NADSYN1: variants seen among roughly 807,000 people sequenced by gnomAD.
NADSYN1 encodes the protein NAD synthetase 1.
Under a neutral mutation model 99.3 loss-of-function variants are expected in NADSYN1, and 80 were observed. The ratio of observed to expected loss-of-function variants is 0.81; its 90% CI spans 0.67 to 0.97. NADSYN1 has a LOEUF of 0.97. Ranked by LOEUF, NADSYN1 falls within the 50% of genes least tolerant of loss-of-function variation. NADSYN1 has a pLI of 0.00. For missense variants in NADSYN1, 859 were observed against 948.5 expected (o/e 0.91, Z 1.24); for synonymous variants, 385 against 372.1 (o/e 1.03, Z -0.40).
Position 71,497,599 on chromosome 11 carries a change from C to T in NADSYN1, c.1881C>T (p.Cys627=), listed in dbSNP as rs761493490. ...CKLLGMWRHI[C]TPRQVADKVK... The stretch of plus-strand genomic sequence containing the variant: ...TCCTCGGCATGTGGAGACACATCTG[C>T]ACCCCGAGACAGGTAAAGCCTGTGA... Residue 627 remains cysteine, a synonymous_variant, in exon 19 of 21, where the codon TGC becomes TGT. Coordinates refer to ENST00000319023, the MANE Select transcript of NADSYN1 (RefSeq NM_018161.5). 30 of 1,613,986 alleles carry T rather than the reference C, an allele frequency of 1.9e-5. No individual in the cohort carries two copies. The East Asian group carries it at 3.8e-4, about 20-fold the overall frequency.
Position 71,501,585 on chromosome 11 carries a change from G to T in NADSYN1, c.*233G>T. 2 of 533,804 alleles carry T rather than the reference G, an allele frequency of 3.7e-6. No homozygotes were observed. Among genetic ancestry groups the T allele is most frequent in the Non-Finnish European group, 6.6e-6 (2 of 302,868 alleles). The allele number at this position is 533,804 out of a possible 1,614,324, so 33.1% of individuals were successfully genotyped here. On this transcript the variant is annotated 3_prime_UTR_variant, in exon 21 of 21. Coordinates refer to ENST00000319023, the MANE Select transcript of NADSYN1 (RefSeq NM_018161.5). ...TGATTTTGACCTCCCGCCAGCGTGCGCTTCCCCGCGAAGTCTGGCATTCTC... is the reference window on the plus strand; with the variant it reads ...TGATTTTGACCTCCCGCCAGCGTGCTCTTCCCCGCGAAGTCTGGCATTCTC...
At chr11:71,455,458 G>A in intron 2 of NADSYN1, 1 of 413,962 alleles carries the variant, frequency 2.4e-6, no homozygotes, top group Non-Finnish European at 4.3e-6. Context: ...TTTTGCTGTG[G>A]TCTGAATGTT....
intron 14 of NADSYN1, among the ~76,000 whole-genome samples, chr11:71,483,425 G>A (rs893562585): frequency 2.0e-5 from 3 of 152,102 alleles, no homozygotes; most frequent in African/African-American, 7.2e-5. Context: ...TGCTCACCAG[G>A]GTGTGCAGCA....
intron 18 of NADSYN1, among the ~76,000 whole-genome samples, chr11:71,495,104 G>A (rs1282856144): frequency 6.6e-6 from 1 of 151,958 alleles, no homozygotes; most frequent in Non-Finnish European, 1.5e-5. Context: ...AGTATCTCAA[G>A]GTGGAAAGTT....
intron 2 of NADSYN1, among the ~76,000 whole-genome samples, 181 bp from the exon 3 acceptor site, chr11:71,458,247 G>A (rs941622323): frequency 2.0e-5 from 3 of 152,166 alleles, no homozygotes; most frequent in Non-Finnish European, 4.4e-5. Context: ...CTTTCAGTAC[G>A]GCACATCTGG....
chr11:71,477,115 A>G, intron 9 of NADSYN1: 1 of 1,126,092 alleles, frequency 8.9e-7, no homozygotes, highest in Non-Finnish European at 1.1e-6. Flanking sequence ...CCTCCTGCTC[A>G]AGCAACAGAC....
chr11:71,485,557 G>A lies in NADSYN1; in HGVS notation c.1471G>A (p.Val491Ile). Residue 491 changes from valine (V) to isoleucine (I), a missense_variant, in exon 16 of 21, where the codon GTC becomes ATC. By Grantham distance (29) the Val-to-Ile change is conservative. Transcript: ENST00000319023. Reference sequence around the variant, plus strand: ...TGTTTTCCAGGCTCGAATACGGATGGTCCTCGCCTATCTGTTTGCTCAGTT... The same window carrying A: ...TGTTTTCCAGGCTCGAATACGGATGATCCTCGCCTATCTGTTTGCTCAGTT... ...LQNVQARIRM[V>I]LAYLFAQLSL... 1 of 1,560,716 alleles carries A rather than the reference G, an allele frequency of 6.4e-7. No homozygotes were observed. The highest frequency in any genetic ancestry group is 8.7e-7 in the Non-Finnish European group (1 of 1,151,548).
chr11:71,473,784 A>G, intron 8 of NADSYN1, 98 bp downstream of exon 8: 1 of 876,354 alleles, frequency 1.1e-6, no homozygotes, highest in Non-Finnish European at 1.9e-6. Flanking sequence ...GCCCACACAC[A>G]ATGGATGTTC....
At chr11:71,474,606 G>T in intron 9 of NADSYN1, 80 bp downstream of exon 9, 1 of 1,592,150 alleles carries the variant, frequency 6.3e-7, no homozygotes, top group Non-Finnish European at 8.6e-7. Flanking sequence ...TGTAAGCCGG[G>T]TGCTTAGTGA....
At chr11:71,464,919 G>A (rs1388240809) in intron 5 of NADSYN1, among the ~76,000 whole-genome samples, 1 of 145,942 alleles carries the variant, frequency 6.9e-6, no homozygotes, top group Admixed American at 6.8e-5. Context: ...GTTTGATTTA[G>A]TTCTAGGAAG....
rs1327307171 is a variant in NADSYN1 at position 71,497,535 on chromosome 11, AG to A, written c.1819del (p.Val607TrpfsTer30). The stretch of plus-strand genomic sequence containing the variant: ...CTCTCGGTCTATGGGAAACTCAGGA[AG>A]GTGGCCAAGATGGGGCCCTACAGCA... ...AELSVYGKLR[K>X]VAKMGPYSMF... On this transcript the variant is annotated frameshift_variant, in exon 19 of 21. Transcript: ENST00000319023. LOFTEE classifies it high-confidence loss of function. The A allele has an allele frequency of 9.9e-6, 16 of 1,614,070 alleles. No homozygotes were observed. Among genetic ancestry groups the A allele is most frequent in the African/African-American group, 1.3e-5 (1 of 74,922 alleles).
intron 16 of NADSYN1, 65 bp downstream of exon 16, chr11:71,485,713 C>T (rs1306699128): frequency 1.9e-5 from 22 of 1,186,326 alleles, no homozygotes; most frequent in Admixed American, 1.5e-4. Flanking sequence ...GAAGGTGATA[C>T]GCTGTGAGAT....
intron 6 of NADSYN1, 47 bp from the exon 7 acceptor site, chr11:71,473,231 C>T (rs749409265): frequency 8.9e-6 from 14 of 1,568,476 alleles, no homozygotes; most frequent in Non-Finnish European, 1.2e-5. Flanking sequence ...GTGGCCCAGA[C>T]AGGGCATGGC....
Position 71,481,668 on chromosome 11 carries a change from T to C in NADSYN1, c.1048-255T>C, listed in dbSNP as rs1198185884. 6.7e-6 allele frequency: 4 copies of C among 601,448 alleles called. No individual in the cohort carries two copies. The East Asian group carries it at 8.3e-5, about 12-fold the overall frequency. 37.3% of individuals were successfully genotyped at this position (601,448 alleles called of 1,614,324 possible). A position where few individuals can be genotyped will look rare whatever the true frequency, so the allele number is the denominator to read the frequency against. Reference sequence around the variant, plus strand: ...GGTCACGCTCACCATCTTGCCAGCATTGTAATCATGCGTATCTGCAGTTCG... The same window carrying C: ...GGTCACGCTCACCATCTTGCCAGCACTGTAATCATGCGTATCTGCAGTTCG... On this transcript the variant is annotated intron_variant, in intron 12 of 20. Transcript: ENST00000319023.
intron 5 of NADSYN1, among the ~76,000 whole-genome samples, chr11:71,467,787 T>C (rs1949602359): frequency 6.6e-6 from 1 of 152,188 alleles, no homozygotes; most frequent in Non-Finnish European, 1.5e-5. Flanking sequence ...ATGGAGGTTA[T>C]AGAGAAGAGG....
At chr11:71,486,488 C>T (rs74576289) in intron 16 of NADSYN1, among the ~76,000 whole-genome samples, 12,602 of 152,008 alleles carry the variant, frequency 0.083, 624 homozygotes, top group African/African-American at 0.14. Flanking sequence ...CCCACTCATC[C>T]ATCCATTCAT....
At chr11:71,471,742 G>C (rs1016781924) in intron 5 of NADSYN1, among the ~76,000 whole-genome samples, 1 of 152,200 alleles carries the variant, frequency 6.6e-6, no homozygotes, top group African/African-American at 2.4e-5. Flanking sequence ...GTGAATGAGG[G>C]GGAAAGACAT....
intron 9 of NADSYN1, chr11:71,477,299 C>A: frequency 7.8e-7 from 1 of 1,276,030 alleles, no homozygotes; most frequent in Non-Finnish European, 1.0e-6. Context: ...TCCCTCATCT[C>A]CATTGTTTTA....
chr11:71,480,310 A>C (rs1949697585), intron 10 of NADSYN1: 1 of 176,390 alleles, frequency 5.7e-6, no homozygotes, highest in Non-Finnish European at 1.2e-5. Flanking sequence ...AGTAGCTGGG[A>C]TTACAGGCTT....
Sources: allele counts gnomAD v4.1 joint callset (sites outside exome capture counted in the v4.1 genomes callset), GRCh38; gene constraint gnomAD v4.1.1; transcripts MANE v1.5; gene names NCBI Gene and HGNC (gene_info 2026-07-23, HGNC 2026-07-21).